PTGER3: variants seen among roughly 807,000 people sequenced by gnomAD.
PTGER3 encodes prostaglandin E2 receptor EP3 subtype.
In PTGER3, 22 loss-of-function variants were observed where a neutral mutation model predicts 34.7. The ratio of observed to expected loss-of-function variants is 0.63; its 90% CI spans 0.45 to 0.91. PTGER3 has a LOEUF of 0.91. PTGER3 is among the 40% of genes least tolerant of loss of function. The pLI, the probability that PTGER3 is intolerant of heterozygous loss-of-function variation, is 0.00. For synonymous variants in PTGER3, 241 were observed against 230.1 expected, an observed-to-expected ratio of 1.05 and a Z score of -0.43; for missense variants, 468 against 519.4, an observed-to-expected ratio of 0.90 and a Z score of 0.96.
chr1:71,039,405 C>A (rs1660092051), intron 1 of PTGER3, among the ~76,000 whole-genome samples: 1 of 151,932 alleles, frequency 6.6e-6, no homozygotes, highest in Non-Finnish European at 1.5e-5. Context: ...AATCCCAGCA[C>A]TTTGGGAGGC....
intron 4 of PTGER3, among the ~76,000 whole-genome samples, chr1:70,910,155 C>T (rs895907748): frequency 2.0e-5 from 3 of 152,244 alleles, no homozygotes; most frequent in African/African-American, 7.2e-5. Context: ...AAACAGTGAA[C>T]GGAAAGTACT....
chr1:70,937,817 G>T (rs960576903), intron 4 of PTGER3, among the ~76,000 whole-genome samples: 1 of 151,852 alleles, frequency 6.6e-6, no homozygotes, highest in Non-Finnish European at 1.5e-5. Flanking sequence ...GTTAATCATT[G>T]TTTATTATGT....
At position 71,018,048 on chromosome 1, in the gene PTGER3, A is replaced by T. The variant is rs149335701; in HGVS notation, c.898-5564T>A. On this transcript the variant is annotated intron_variant, in intron 1 of 3. Transcript: ENST00000306666. Reference sequence around the variant, plus strand: ...CCAAAGTGCTGGGATTACAGGCGTGAGTCACCACCACCTGGCCCCAGGTAG... The same window carrying T: ...CCAAAGTGCTGGGATTACAGGCGTGTGTCACCACCACCTGGCCCCAGGTAG... Among the ~76,000 whole-genome samples the T allele has an allele frequency of 4.6e-4, 70 of 152,272 alleles. 1 individual carries two copies. In the East Asian group the frequency reaches 0.012, roughly 26 times the overall value.
At chr1:71,001,128 T>C (rs1368471127) in intron 2 of PTGER3, among the ~76,000 whole-genome samples, 1 of 152,158 alleles carries the variant, frequency 6.6e-6, no homozygotes, top group African/African-American at 2.4e-5. Flanking sequence ...TCATGCATGA[T>C]AAGCCTTTCA....
chr1:70,865,929 C>G, intron 4 of PTGER3: 2 of 666,378 alleles, frequency 3.0e-6, no homozygotes, highest in South Asian at 2.0e-5. Flanking sequence ...CTTTCCTGGA[C>G]TGTCATCCGG....
intron 1 of PTGER3, among the ~76,000 whole-genome samples, chr1:71,015,363 A>T (rs1051557061): frequency 2.3e-4 from 35 of 152,202 alleles, no homozygotes; most frequent in Admixed American, 2.1e-3. Flanking sequence ...ACACGTAGGA[A>T]CCCAGCTCCA....
intron 2 of PTGER3, among the ~76,000 whole-genome samples, chr1:71,000,430 T>G (rs1656370847): frequency 6.6e-6 from 1 of 152,200 alleles, no homozygotes; most frequent in Admixed American, 6.5e-5. Flanking sequence ...TTCAAATTTC[T>G]TTAAAACGTT....
intron 4 of PTGER3, among the ~76,000 whole-genome samples, chr1:70,938,987 C>CACAATT (rs1174961898): frequency 6.6e-6 from 1 of 152,116 alleles, no homozygotes; most frequent in Non-Finnish European, 1.5e-5. Context: ...CCCAAAAGTC[C>CACAATT]ACAATTGAAA....
chr1:70,853,884 C>A (rs1645740364), intron 4 of PTGER3, among the ~76,000 whole-genome samples: 1 of 152,088 alleles, frequency 6.6e-6, no homozygotes, highest in African/African-American at 2.4e-5. Flanking sequence ...AAGGGTAGTC[C>A]TGTCAATAAA....
chr1:70,928,969 C>T (rs1378947030), intron 4 of PTGER3, among the ~76,000 whole-genome samples: 1 of 151,890 alleles, frequency 6.6e-6, no homozygotes, highest in Non-Finnish European at 1.5e-5. Flanking sequence ...CCAAATCTAA[C>T]ACTTGACTTA....
At chr1:70,931,534 A>T (rs554429938) in intron 4 of PTGER3, among the ~76,000 whole-genome samples, 2 of 152,096 alleles carry the variant, frequency 1.3e-5, no homozygotes, top group Non-Finnish European at 2.9e-5. Context: ...AGGCATTTCT[A>T]TGTATCCTCT....
Position 71,009,482 on chromosome 1 carries a change from T to C in PTGER3, c.1077+2823A>G, listed in dbSNP as rs1657252639. On this transcript the variant is annotated intron_variant, in intron 2 of 3. Coordinates refer to ENST00000306666, the MANE Select transcript of PTGER3 (RefSeq NM_198719.2). ...TTTTTGTTTCTTCAACTTCAAGATA[T>C]TTTTAAGACATTCATCATACCTATT... 8 of 982,462 alleles carry C rather than the reference T, an allele frequency of 8.1e-6. No homozygotes were observed. The South Asian group carries it at 3.8e-4, about 46-fold the overall frequency. The allele number at this position is 982,462 out of a possible 1,614,324, so 60.9% of individuals were successfully genotyped here.
Position 70,971,260 on chromosome 1 carries a change from A to G in PTGER3, c.*470T>C. ...CCCTCATTTGCTTTTATATGTCGTT[A>G]AGTTCATATCCTATTAATTGAATTA... On this transcript the variant is annotated 3_prime_UTR_variant, in exon 4 of 4. Transcript: ENST00000306666. 4 of 985,682 alleles carry G rather than the reference A, an allele frequency of 4.1e-6. No individual in the cohort carries two copies. The highest frequency in any genetic ancestry group is 4.8e-6 in the Non-Finnish European group (4 of 830,102). The allele number at this position is 985,682 out of a possible 1,614,324, so 61.1% of individuals were successfully genotyped here.
intron 1 of PTGER3, among the ~76,000 whole-genome samples, chr1:71,039,814 G>C (rs1438894900): frequency 1.3e-5 from 2 of 151,962 alleles, no homozygotes; most frequent in African/African-American, 2.4e-5. Flanking sequence ...TCTCCAGTTT[G>C]CTAGGAGAAA....
intron 1 of PTGER3, among the ~76,000 whole-genome samples, chr1:71,038,020 A>G (rs1198481986): frequency 2.0e-5 from 3 of 152,244 alleles, no homozygotes; most frequent in African/African-American, 7.2e-5. Flanking sequence ...AGATGTTACC[A>G]GTGAAATTTC....
chr1:70,946,031 C>T (rs1650195309), intron 4 of PTGER3, among the ~76,000 whole-genome samples: 1 of 152,056 alleles, frequency 6.6e-6, no homozygotes, highest in Non-Finnish European at 1.5e-5. Context: ...TTCATGACTT[C>T]CATCGAAACG....
chr1:71,001,195 AAACTT>A (rs138831761), intron 2 of PTGER3, among the ~76,000 whole-genome samples: 15,026 of 152,126 alleles, frequency 0.099, 825 homozygotes, highest in Middle Eastern at 0.19. Flanking sequence ...ATTTATGAAA[AAACTT>A]AAGAAAAGAA....
intron 2 of PTGER3, chr1:71,011,071 T>C (rs1267372093): frequency 1.0e-6 from 1 of 985,640 alleles, no homozygotes; most frequent in Admixed American, 6.2e-5. Context: ...ACAGGATTAC[T>C]ATGTTTGGTG....
At chr1:71,043,917 A>G (rs57667850) in intron 1 of PTGER3, among the ~76,000 whole-genome samples, 21,513 of 151,138 alleles carry the variant, frequency 0.14, 1,951 homozygotes, top group African/African-American at 0.25. Context: ...CCCTAGCCTA[A>G]GTAATTCTCC....
Sources: allele counts gnomAD v4.1 joint callset (sites outside exome capture counted in the v4.1 genomes callset), GRCh38; gene constraint gnomAD v4.1.1; transcripts MANE v1.5; gene names NCBI Gene and HGNC (gene_info 2026-07-23, HGNC 2026-07-21).